SCN3B: variants seen among roughly 807,000 people sequenced by gnomAD.
SCN3B encodes the protein sodium voltage-gated channel beta subunit 3, also known as sodium channel regulatory subunit beta-3.
In SCN3B, 11 loss-of-function variants were observed where a neutral mutation model predicts 25.4. The observed-to-expected ratio is 0.43, with a 90% CI of 0.27 to 0.72. The LOEUF (loss-of-function observed/expected upper bound fraction) is 0.72. Ranked by LOEUF, SCN3B falls within the 30% of genes least tolerant of loss-of-function variation. The pLI is 0.18. For synonymous variants in SCN3B, 109 were observed against 110.7 expected, an observed-to-expected ratio of 0.99 and a Z score of 0.09; for missense variants, 218 against 278.3, an observed-to-expected ratio of 0.78 and a Z score of 1.54.
chr11:123,644,864 C>T (rs961441608), intron 3 of SCN3B, among the ~76,000 whole-genome samples: 15 of 147,466 alleles, frequency 1.0e-4, no homozygotes, highest in African/African-American at 3.8e-4. Flanking sequence ...TATACACACA[C>T]ACATACATAT....
chr11:123,638,130 A>G, intron 5 of SCN3B, 56 bp downstream of exon 5: 2 of 1,605,154 alleles, frequency 1.2e-6, no homozygotes, highest in Middle Eastern at 1.7e-4. Context: ...CACCTGTGAG[A>G]GCAAGCATTC....
In SCN3B at chr11:123,631,222, GT is replaced by G. The variant is rs746243185; in HGVS notation, c.*2576del. The G allele has an allele frequency of 2.0e-5, 3 of 152,170 alleles. No individual in the cohort carries two copies. In the South Asian group the frequency reaches 6.2e-4, roughly 32 times the overall value. 9.4% of individuals were successfully genotyped at this position (152,170 alleles called of 1,614,324 possible). On this transcript the variant is annotated 3_prime_UTR_variant, in exon 7 of 7. Transcript: ENST00000299333. ...GCCACGCAAGCAGCATCTGAGTTGG[GT>G]TTTTTTAAAAAGAAGAGAAAAAGGC...
chr11:123,629,244 T>A lies in SCN3B; in HGVS notation c.*4555A>T, dbSNP rs1204346498. On this transcript the variant is annotated 3_prime_UTR_variant, in exon 7 of 7. Transcript: ENST00000299333. ...AAGGAGTTTACTGAAAAACAGCACATACAGGCATTACGTTGTTGAGGGCTT... is the reference window on the plus strand; with the variant it reads ...AAGGAGTTTACTGAAAAACAGCACAAACAGGCATTACGTTGTTGAGGGCTT... 6.6e-6 allele frequency: 1 copy of A among 152,204 alleles called. No individual in the cohort carries two copies. The highest frequency in any genetic ancestry group is 2.4e-5 in the African/African-American group (1 of 41,444). The allele number at this position is 152,204 out of a possible 1,614,324, so 9.4% of individuals were successfully genotyped here.
chr11:123,636,365 T>C (rs922778063), intron 5 of SCN3B, among the ~76,000 whole-genome samples: 5 of 152,208 alleles, frequency 3.3e-5, no homozygotes, highest in African/African-American at 1.2e-4. Context: ...AATGATAATT[T>C]AGTTTCTTCC....
intron 3 of SCN3B, among the ~76,000 whole-genome samples, chr11:123,644,693 T>C (rs1591347307): frequency 6.7e-6 from 1 of 150,094 alleles, no homozygotes. Flanking sequence ...ATCGCTTGAA[T>C]CTGGGAGGTG....
intron 5 of SCN3B, among the ~76,000 whole-genome samples, chr11:123,636,015 T>C (rs1331918054): frequency 6.6e-6 from 1 of 152,202 alleles, no homozygotes; most frequent in Non-Finnish European, 1.5e-5. Flanking sequence ...TTCATTGAAT[T>C]TGAAGATCAA....
chr11:123,638,392 A>C (rs1955753400), intron 4 of SCN3B, 68 bp from the exon 5 acceptor site: 1 of 1,596,008 alleles, frequency 6.3e-7, no homozygotes, highest in Admixed American at 1.7e-5. Context: ...TTGGAGCCAT[A>C]TTTTTAAGTA....
intron 5 of SCN3B, 35 bp from the exon 6 acceptor site, chr11:123,634,241 C>T (rs746760578): frequency 6.3e-7 from 1 of 1,583,730 alleles, no homozygotes; most frequent in Non-Finnish European, 8.7e-7. Context: ...ATCAGAGCTT[C>T]AGTGCCCAGC....
chr11:123,644,338 C>G (rs961658781), intron 3 of SCN3B, among the ~76,000 whole-genome samples: 2 of 151,954 alleles, frequency 1.3e-5, no homozygotes, highest in East Asian at 3.9e-4. Flanking sequence ...ATGAGGAAAC[C>G]GAGGCACAGA....
chr11:123,638,524 G>A, intron 4 of SCN3B, 200 bp from the exon 5 acceptor site: 3 of 663,078 alleles, frequency 4.5e-6, no homozygotes, highest in Admixed American at 2.6e-5. Context: ...CCAGGGAAGA[G>A]GGAGTGGGAT....
At chr11:123,644,792 AGAGAG>A (rs1955829242) in intron 3 of SCN3B, among the ~76,000 whole-genome samples, 2 of 81,588 alleles carry the variant, frequency 2.5e-5, no homozygotes, top group East Asian at 3.8e-4. Context: ...AGAGAGAGAG[AGAGAG>A]AGAATATATA....
rs1399182089 is a variant in SCN3B, at chr11:123,653,829, A to G, written c.-25-3T>C. ...TCTGGGGCTGGCGGCTTCCAAGGCT[A>G]CACAGAGAGATTCCCTCGGTCAAGG... is the stretch of plus-strand genomic sequence containing the variant. On this transcript the variant is annotated splice_region_variant and splice_polypyrimidine_tract_variant and intron_variant, in intron 1 of 6. Coordinates refer to ENST00000299333, the MANE Select transcript of SCN3B (RefSeq NM_001040151.2). 3.7e-6 allele frequency: 6 copies of G among 1,613,402 alleles called. 1 individual carries two copies. The Admixed American group carries it at 6.7e-5, about 18-fold the overall frequency.
intron 3 of SCN3B, among the ~76,000 whole-genome samples, chr11:123,645,117 G>A (rs1384786613): frequency 1.3e-5 from 2 of 151,938 alleles, no homozygotes; most frequent in Non-Finnish European, 1.5e-5. Flanking sequence ...TGGGTGTCCC[G>A]GGTGAATGTC....
chr11:123,649,896 G>T (rs1955904356), intron 2 of SCN3B, among the ~76,000 whole-genome samples: 1 of 151,960 alleles, frequency 6.6e-6, no homozygotes, highest in Admixed American at 6.6e-5. Context: ...TAAAGACAGG[G>T]TTTCACTATG....
intron 3 of SCN3B, among the ~76,000 whole-genome samples, chr11:123,644,800 A>AG (rs1272015067): frequency 0.044 from 1,974 of 44,954 alleles, 43 homozygotes; most frequent in South Asian, 0.15. Context: ...AGAGAGAGAG[A>AG]ATATATATAT....
intron 4 of SCN3B, chr11:123,638,755 T>C (rs1591344149): frequency 3.6e-6 from 1 of 281,232 alleles, no homozygotes; most frequent in Non-Finnish European, 6.9e-6. Flanking sequence ...ATTAAAAGTC[T>C]ACACAGATGT....
In SCN3B at chr11:123,631,409, A is replaced by G. The variant is rs554428350; in HGVS notation, c.*2390T>C. The stretch of plus-strand genomic sequence containing the variant: ...CTGAGGCCAATTTTTCTAACTATAA[A>G]GTTAAAAAGGTCTATATCCTCTCCC... On this transcript the variant is annotated 3_prime_UTR_variant, in exon 7 of 7. Transcript: ENST00000299333. 1 of 152,318 alleles carries G rather than the reference A, an allele frequency of 6.6e-6. No homozygotes were observed. The highest frequency in any genetic ancestry group is 1.9e-4 in the East Asian group (1 of 5,190). The allele number at this position is 152,318 out of a possible 1,614,324, so 9.4% of individuals were successfully genotyped here.
intron 3 of SCN3B, among the ~76,000 whole-genome samples, chr11:123,644,801 ATAT>A (rs1423930904): frequency 0.041 from 932 of 22,806 alleles, 1 homozygote; most frequent in Middle Eastern, 0.083. Flanking sequence ...GAGAGAGAGA[ATAT>A]ATATATATAT....
chr11:123,644,357 C>A (rs1318875694), intron 3 of SCN3B, among the ~76,000 whole-genome samples: 1 of 152,174 alleles, frequency 6.6e-6, no homozygotes, highest in Non-Finnish European at 1.5e-5. Context: ...GAAAGGATGA[C>A]CAACATGTCC....
Sources: gnomAD v4.1 joint callset for allele counts (sites outside exome capture counted in the v4.1 genomes callset) on GRCh38, gnomAD v4.1.1 for gene constraint, MANE v1.5 for transcripts, NCBI Gene and HGNC (gene_info 2026-07-23, HGNC 2026-07-21) for gene names.